ASTN2: variants seen among roughly 807,000 people sequenced by gnomAD.
ASTN2 encodes astrotactin-2.
Under a neutral mutation model 139.8 loss-of-function variants are expected in ASTN2, and 54 were observed. That is an observed-to-expected ratio of 0.39 (90% CI 0.31 to 0.48). The LOEUF (loss-of-function observed/expected upper bound fraction) is 0.48. Among genes scored for constraint, ASTN2 ranks in the 20% least tolerant of loss-of-function variants. ASTN2 has a pLI of 0.95. For synonymous variants in ASTN2, 756 were observed against 719.5 expected, an observed-to-expected ratio of 1.05 and a Z score of -0.81; for missense variants, 1,565 against 1,725.1, an observed-to-expected ratio of 0.91 and a Z score of 1.64.
intron 19 of ASTN2, among the ~76,000 whole-genome samples, chr9:116,513,050 T>C (rs1850472498): frequency 1.3e-5 from 2 of 152,218 alleles, no homozygotes; most frequent in East Asian, 3.9e-4. Context: ...ATTATGATGT[T>C]AGCTGGTTAT....
rs187735466 is a variant in ASTN2 at position 117,152,714 on chromosome 9, C to A, written c.1016-11236G>T. ...CAGCTAGTTGGAAGAAAGGGGAGAA[C>A]CCCACTCTCTTACTTTTAATTCCTT... is the stretch of plus-strand genomic sequence containing the variant. On this transcript the variant is annotated intron_variant, in intron 3 of 22. Transcript: ENST00000313400. Among the ~76,000 whole-genome samples, 235 of 152,194 alleles carry A rather than the reference C, an allele frequency of 1.5e-3. No individual in the cohort carries two copies. In the Middle Eastern group the frequency reaches 0.031, roughly 20 times the overall value.
At chr9:116,801,478 C>T (rs1419999142) in intron 13 of ASTN2, among the ~76,000 whole-genome samples, 2 of 147,378 alleles carry the variant, frequency 1.4e-5, no homozygotes, top group Non-Finnish European at 3.0e-5. Flanking sequence ...ACTTGGGAGG[C>T]TGAGGCAGGA....
At chr9:116,670,016 G>A (rs1270305056) in intron 16 of ASTN2, among the ~76,000 whole-genome samples, 1 of 152,084 alleles carries the variant, frequency 6.6e-6, no homozygotes, top group Non-Finnish European at 1.5e-5. Flanking sequence ...TGTTGGCCAG[G>A]CTGCTCTCAA....
chr9:116,493,376 T>C (rs953738874), intron 19 of ASTN2, among the ~76,000 whole-genome samples: 7 of 152,182 alleles, frequency 4.6e-5, no homozygotes, highest in Non-Finnish European at 1.0e-4. Flanking sequence ...GATAGGGAGT[T>C]GGGAGTCGCT....
chr9:117,250,906 A>G (rs1048328635), intron 2 of ASTN2, among the ~76,000 whole-genome samples: 3 of 152,178 alleles, frequency 2.0e-5, no homozygotes, highest in Non-Finnish European at 1.5e-5. Context: ...TGATCTGATG[A>G]AGTGGGTGAG....
At chr9:117,231,028 C>G (rs1408852952) in intron 2 of ASTN2, among the ~76,000 whole-genome samples, 2 of 152,136 alleles carry the variant, frequency 1.3e-5, no homozygotes, top group Non-Finnish European at 2.9e-5. Flanking sequence ...TTTAAATAAG[C>G]CTGCAGGAGA....
At chr9:116,671,360 T>A (rs1443302853) in intron 16 of ASTN2, among the ~76,000 whole-genome samples, 1 of 152,158 alleles carries the variant, frequency 6.6e-6, no homozygotes, top group Non-Finnish European at 1.5e-5. Flanking sequence ...ACTTACCAAG[T>A]ATCAGGTATA....
At chr9:116,733,600 G>T in intron 13 of ASTN2, 77 bp from the exon 14 acceptor site, 1 of 1,577,702 alleles carries the variant, frequency 6.3e-7, no homozygotes, top group South Asian at 1.1e-5. Flanking sequence ...GAGGCAGGAT[G>T]CTGTAGTCAG....
intron 4 of ASTN2, among the ~76,000 whole-genome samples, chr9:117,098,061 G>T (rs1235805484): frequency 6.6e-6 from 1 of 152,176 alleles, no homozygotes; most frequent in Admixed American, 6.5e-5. Flanking sequence ...AGATGACTAG[G>T]AGAGTTAAGC....
intron 1 of ASTN2, among the ~76,000 whole-genome samples, chr9:117,310,471 C>G (rs1827939390): frequency 6.6e-6 from 1 of 152,168 alleles, no homozygotes. Flanking sequence ...TCCCTGCTTT[C>G]CTAGTCCTCA....
At position 116,451,664 on chromosome 9, in the gene ASTN2, C is replaced by T. The variant is rs148164211; in HGVS notation, c.3498-9111G>A. Among the ~76,000 whole-genome samples the T allele has an allele frequency of 3.0e-4, 45 of 152,236 alleles. No homozygotes were observed. The East Asian group carries it at 8.7e-3, about 29-fold the overall frequency. On this transcript the variant is annotated intron_variant, in intron 20 of 22. Coordinates refer to ENST00000313400, the MANE Select transcript of ASTN2 (RefSeq NM_001365068.1). Reference sequence around the variant, plus strand: ...GTTTAAAAGCTACTGTGAACTAGACCTTATCTTGCTGGATCTTCTGTCTGC... The same window carrying T: ...GTTTAAAAGCTACTGTGAACTAGACTTTATCTTGCTGGATCTTCTGTCTGC...
At chr9:117,407,914 C>T (rs1170222484) in intron 1 of ASTN2, among the ~76,000 whole-genome samples, 7 of 152,142 alleles carry the variant, frequency 4.6e-5, no homozygotes, top group Non-Finnish European at 1.0e-4. Flanking sequence ...AAGGAAGCCT[C>T]CTCTAATGCT....
intron 6 of ASTN2, among the ~76,000 whole-genome samples, chr9:117,025,290 T>C (rs2132622937): frequency 6.6e-6 from 1 of 152,258 alleles, no homozygotes; most frequent in South Asian, 2.1e-4. Flanking sequence ...TTCTACACTT[T>C]AGAAAACTGC....
intron 20 of ASTN2, among the ~76,000 whole-genome samples, chr9:116,455,741 G>T (rs1308535628): frequency 7.0e-6 from 1 of 143,748 alleles, no homozygotes. Context: ...AATCTAAAAA[G>T]TAAAAAAAAA....
chr9:117,327,545 C>A (rs1418860818), intron 1 of ASTN2, among the ~76,000 whole-genome samples: 2 of 152,102 alleles, frequency 1.3e-5, no homozygotes, highest in East Asian at 3.9e-4. Context: ...GTGTGCCAAG[C>A]AAGGAAGTGT....
chr9:116,700,134 C>G, intron 16 of ASTN2: 1 of 259,130 alleles, frequency 3.9e-6, no homozygotes, highest in Middle Eastern at 1.5e-3. Context: ...CTCTTGAACT[C>G]TGATTGGATT....
chr9:116,891,668 C>T (rs1242375860), intron 10 of ASTN2, among the ~76,000 whole-genome samples: 1 of 152,164 alleles, frequency 6.6e-6, no homozygotes, highest in Non-Finnish European at 1.5e-5. Context: ...TAACATTTGG[C>T]CTCTAGTCCA....
rs998808100 is a variant in ASTN2, at chr9:116,725,919, C to T, written c.2658G>A (p.Lys886=). The T allele has an allele frequency of 2.5e-6, 4 of 1,613,736 alleles. No homozygotes were observed. The highest frequency in any genetic ancestry group is 2.5e-6 in the Non-Finnish European group (3 of 1,179,898). ...GFTNVLKILT[K]ESSREELLSF... Reference sequence around the variant, plus strand: ...ACAGCAGCTCCTCCCGACTGCTCTCCTTGGTCAGGATCTTGAGAACATTAG... The same window carrying T: ...ACAGCAGCTCCTCCCGACTGCTCTCTTTGGTCAGGATCTTGAGAACATTAG... Residue 886 remains lysine (K), a synonymous_variant, in exon 16 of 23, where the codon AAG becomes AAA. Coordinates refer to ENST00000313400, the MANE Select transcript of ASTN2 (RefSeq NM_001365068.1).
At position 116,524,248 on chromosome 9, in the gene ASTN2, T is replaced by C. The variant is rs560499045; in HGVS notation, c.3356-36748A>G. ...GTCCCTCACCAGAGTGGGAAAAATATCTTCTTACAAATTTTTGTTATAGAC... is the reference window on the plus strand; with the variant it reads ...GTCCCTCACCAGAGTGGGAAAAATACCTTCTTACAAATTTTTGTTATAGAC... On this transcript the variant is annotated intron_variant, in intron 19 of 22. Transcript: ENST00000313400. Among the ~76,000 whole-genome samples, 13 of 152,304 alleles carry C rather than the reference T, an allele frequency of 8.5e-5. No individual in the cohort carries two copies. The East Asian group carries it at 2.3e-3, about 27-fold the overall frequency.
Sources: gnomAD v4.1 joint callset for allele counts (sites outside exome capture counted in the v4.1 genomes callset) on GRCh38, gnomAD v4.1.1 for gene constraint, MANE v1.5 for transcripts, NCBI Gene and HGNC (gene_info 2026-07-23, HGNC 2026-07-21) for gene names.